IQSEC1: variants seen among roughly 807,000 people sequenced by gnomAD.
IQSEC1 encodes the protein IQ motif and Sec7 domain ArfGEF 1.
A neutral mutation model predicts 91.0 loss-of-function variants in IQSEC1; 31 were observed. That is an observed-to-expected ratio of 0.34 (90% CI 0.26 to 0.46). The LOEUF (loss-of-function observed/expected upper bound fraction) is 0.46. Ranked by LOEUF, IQSEC1 falls within the 20% of genes least tolerant of loss-of-function variation. The probability of loss-of-function intolerance (pLI) is 1.00; values close to 1 mark genes in which losing one functional copy is unlikely to be tolerated. For synonymous variants in IQSEC1, 699 were observed against 662.6 expected (o/e 1.05, Z -0.84); for missense variants, 1,388 against 1,575.6 (o/e 0.88, Z 2.02).
At chr3:13,265,109 T>C (rs908110168) in intron 1 of IQSEC1, among the ~76,000 whole-genome samples, 2 of 152,202 alleles carry the variant, frequency 1.3e-5, no homozygotes, top group African/African-American at 4.8e-5. Context: ...GGTCTGGTCA[T>C]GCGTCCCCTC....
At chr3:13,201,848 G>A (rs1459279855) in intron 1 of IQSEC1, among the ~76,000 whole-genome samples, 1 of 152,202 alleles carries the variant, frequency 6.6e-6, no homozygotes, top group African/African-American at 2.4e-5. Flanking sequence ...ATGCATCTGT[G>A]TTGCTGAGAG....
intron 1 of IQSEC1, chr3:13,022,389 C>G: frequency 1.8e-6 from 2 of 1,128,756 alleles, no homozygotes; most frequent in Non-Finnish European, 2.2e-6. Flanking sequence ...CCCTCACACA[C>G]TAGACCCTGT....
chr3:13,164,271 C>T (rs1358471660), intron 1 of IQSEC1, among the ~76,000 whole-genome samples: 1 of 152,158 alleles, frequency 6.6e-6, no homozygotes, highest in African/African-American at 2.4e-5. Context: ...CATCCGCAGG[C>T]CCAATCCTCC....
intron 2 of IQSEC1, among the ~76,000 whole-genome samples, chr3:13,147,718 C>T (rs112624183): frequency 0.064 from 9,744 of 152,254 alleles, 328 homozygotes; most frequent in Middle Eastern, 0.095. Context: ...CTGCAACCTC[C>T]GCCTTCCAGG....
chr3:13,274,190 A>G (rs1695636033), intron 1 of IQSEC1, among the ~76,000 whole-genome samples: 1 of 152,066 alleles, frequency 6.6e-6, no homozygotes, highest in Non-Finnish European at 1.5e-5. Context: ...ATCCACAAAC[A>G]TGCCTGCCCC....
intron 2 of IQSEC1, among the ~76,000 whole-genome samples, chr3:12,939,287 T>C (rs1559649759): frequency 1.3e-5 from 2 of 152,154 alleles, no homozygotes; most frequent in Non-Finnish European, 2.9e-5. Context: ...AAGGGAAACT[T>C]CTGAGCAGTA....
At chr3:12,916,683 G>T (rs1696125028) in intron 6 of IQSEC1, among the ~76,000 whole-genome samples, 1 of 152,204 alleles carries the variant, frequency 6.6e-6, no homozygotes, top group South Asian at 2.1e-4. Context: ...CTTATCCCAT[G>T]GGAAATGAGA....
chr3:13,104,642 C>T (rs1246333941), intron 2 of IQSEC1, among the ~76,000 whole-genome samples: 2 of 152,200 alleles, frequency 1.3e-5, no homozygotes, highest in Admixed American at 6.5e-5. Flanking sequence ...CCCACCTCTC[C>T]CCCTCCGGTG....
At chr3:13,152,961 T>C (rs1474368895) in intron 2 of IQSEC1, among the ~76,000 whole-genome samples, 1 of 152,140 alleles carries the variant, frequency 6.6e-6, no homozygotes, top group Non-Finnish European at 1.5e-5. Flanking sequence ...CCTAAGCAAG[T>C]CCTGTAGGGG....
At chr3:13,068,836 C>T (rs991149179) in intron 1 of IQSEC1, among the ~76,000 whole-genome samples, 9 of 152,200 alleles carry the variant, frequency 5.9e-5, no homozygotes, top group African/African-American at 1.9e-4. Context: ...CCTGAGTGGC[C>T]ACACAGTTCA....
intron 2 of IQSEC1, among the ~76,000 whole-genome samples, chr3:13,158,961 CA>C (rs35652080): frequency 1.9e-3 from 267 of 140,498 alleles, no homozygotes; most frequent in Admixed American, 2.3e-3. Flanking sequence ...GACTCGGTCT[CA>C]AAAAAAAAAA....
chr3:12,953,053 T>C (rs539848876), intron 1 of IQSEC1, among the ~76,000 whole-genome samples: 42 of 152,348 alleles, frequency 2.8e-4, no homozygotes, highest in Non-Finnish European at 5.6e-4. Context: ...GCCAGTCAGC[T>C]GCTGATAGGG....
chr3:13,151,454 A>G (rs1706997374), intron 2 of IQSEC1, among the ~76,000 whole-genome samples: 4 of 152,214 alleles, frequency 2.6e-5, no homozygotes, highest in African/African-American at 9.6e-5. Context: ...GTGGATGTCC[A>G]TTCCTAGCCC....
chr3:12,953,275 C>G (rs548812750), intron 1 of IQSEC1, among the ~76,000 whole-genome samples: 1 of 152,230 alleles, frequency 6.6e-6, no homozygotes, highest in Non-Finnish European at 1.5e-5. Flanking sequence ...CTGGAACTGC[C>G]GGGGCAGCCC....
chr3:13,194,599 GCCCA>G (rs1694094495), intron 1 of IQSEC1, among the ~76,000 whole-genome samples: 1 of 152,046 alleles, frequency 6.6e-6, no homozygotes, highest in Admixed American at 6.5e-5. Context: ...AACATGTAAG[GCCCA>G]CCACAAACCT....
chr3:13,076,536 G>T (rs962094152), upstream of IQSEC1, among the ~76,000 whole-genome samples: 2 of 152,204 alleles, frequency 1.3e-5, no homozygotes, highest in African/African-American at 2.4e-5. Flanking sequence ...GGACGGAGAA[G>T]GTTGGAGCAT....
intron 12 of IQSEC1, among the ~76,000 whole-genome samples, chr3:12,906,011 G>A (rs1694940823): frequency 1.3e-5 from 2 of 152,176 alleles, no homozygotes; most frequent in Non-Finnish European, 2.9e-5. Flanking sequence ...CAGTGGGGCC[G>A]GCGCCAGCCC....
intron 1 of IQSEC1, among the ~76,000 whole-genome samples, chr3:13,174,142 G>A (rs937149763): frequency 2.6e-5 from 4 of 152,154 alleles, no homozygotes; most frequent in African/African-American, 9.7e-5. Context: ...GTGGCGCCCA[G>A]CCTCAGACCC....
intron 9 of IQSEC1, among the ~76,000 whole-genome samples, chr3:12,912,214 G>T (rs565645623): frequency 7.5e-4 from 114 of 152,236 alleles, no homozygotes; most frequent in Non-Finnish European, 1.4e-3. Context: ...CACGGTCCTT[G>T]GCTGCTATTC....
Sources: gnomAD v4.1 joint callset for allele counts (sites outside exome capture counted in the v4.1 genomes callset) on GRCh38, gnomAD v4.1.1 for gene constraint, MANE v1.5 for transcripts, NCBI Gene and HGNC (gene_info 2026-07-23, HGNC 2026-07-21) for gene names.